Variants in IL1RAPL2 observed in about 807,000 individuals in gnomAD.
IL1RAPL2 encodes X-linked interleukin-1 receptor accessory protein-like 2.
Under a neutral mutation model 44.1 loss-of-function variants are expected in IL1RAPL2, and 3 were observed. The ratio of observed to expected loss-of-function variants is 0.07; its 90% CI spans 0.03 to 0.18. IL1RAPL2 has a LOEUF of 0.18. Among genes scored for constraint, IL1RAPL2 ranks in the 10% least tolerant of loss-of-function variants. IL1RAPL2 has a pLI of 1.00. For synonymous variants in IL1RAPL2, 181 were observed against 178.8 expected, an observed-to-expected ratio of 1.01 and a Z score of -0.10; for missense variants, 391 against 496.4, an observed-to-expected ratio of 0.79 and a Z score of 2.02.
At chrX:105,548,747 TG>T (rs2036827666) in intron 6 of IL1RAPL2, among the ~76,000 whole-genome samples, 1 of 111,458 alleles carries the variant, frequency 9.0e-6, no homozygotes, top group Admixed American at 9.5e-5. Context: ...ATAGGTAAAG[TG>T]GGGATAATAA....
chrX:105,118,340 C>A (rs1351184692), intron 2 of IL1RAPL2, among the ~76,000 whole-genome samples: 2 of 112,419 alleles, frequency 1.8e-5, no homozygotes, highest in Non-Finnish European at 3.8e-5. Flanking sequence ...AGCTTCTGGT[C>A]CTAGGGCTGA....
At chrX:104,567,482 C>G (rs1243611990) in intron 1 of IL1RAPL2, among the ~76,000 whole-genome samples, 1 of 112,615 alleles carries the variant, frequency 8.9e-6, no homozygotes, top group East Asian at 2.8e-4. Context: ...GGTGGAGCAG[C>G]GAGGGGTTCC....
Position 104,800,068 on chromosome X carries a change from A to G in IL1RAPL2, c.82+141073A>G, listed in dbSNP as rs1377202900. On this transcript the variant is annotated intron_variant, in intron 2 of 10. Transcript: ENST00000372582. ...CCACCCCCACCACCATTCACATCAT[A>G]CCTGAAAGACTTTATGTGCTATTTA... Among the ~76,000 whole-genome samples the G allele has an allele frequency of 3.6e-5, 4 of 110,522 alleles. No homozygotes were observed. The Admixed American group carries it at 3.9e-4, about 11-fold the overall frequency.
intron 6 of IL1RAPL2, among the ~76,000 whole-genome samples, chrX:105,577,152 T>C (rs1277227032): frequency 9.0e-6 from 1 of 111,534 alleles, no homozygotes; most frequent in Non-Finnish European, 1.9e-5. Context: ...GAGAAGCGGC[T>C]GAATATTTCA....
chrX:104,990,574 A>G (rs1234158961), intron 2 of IL1RAPL2, among the ~76,000 whole-genome samples: 4 of 111,815 alleles, frequency 3.6e-5, no homozygotes, highest in African/African-American at 1.3e-4. Flanking sequence ...ATCATGAGAT[A>G]ATGGACATCT....
chrX:105,406,992 A>G, intron 5 of IL1RAPL2: 1 of 1,092,601 alleles, frequency 9.2e-7, no homozygotes, highest in Non-Finnish European at 1.3e-6. Context: ...ACGTGAAGGG[A>G]GCTGTGTTTG....
intron 3 of IL1RAPL2, among the ~76,000 whole-genome samples, chrX:105,204,426 A>G (rs1020708490): frequency 8.9e-6 from 1 of 111,994 alleles, no homozygotes; most frequent in East Asian, 2.8e-4. Context: ...AACTCTTTAA[A>G]AGGGCAGAGG....
At chrX:104,959,365 C>T (rs897514333) in intron 2 of IL1RAPL2, among the ~76,000 whole-genome samples, 4 of 110,305 alleles carry the variant, frequency 3.6e-5, no homozygotes, top group African/African-American at 1.3e-4. Context: ...GTCTACTGCA[C>T]GTATTCTTGG....
intron 2 of IL1RAPL2, among the ~76,000 whole-genome samples, chrX:104,831,946 G>T (rs1757885039): frequency 9.0e-6 from 1 of 111,690 alleles, no homozygotes; most frequent in Admixed American, 9.6e-5. Context: ...TTAGCCTTGT[G>T]TAAGCATACC....
chrX:104,821,861 A>G (rs1285631055), intron 2 of IL1RAPL2, among the ~76,000 whole-genome samples: 2 of 111,995 alleles, frequency 1.8e-5, no homozygotes, highest in East Asian at 5.6e-4. Flanking sequence ...ACTCCCACCA[A>G]CAGTGTAAAA....
intron 5 of IL1RAPL2, among the ~76,000 whole-genome samples, chrX:105,410,910 C>T (rs994186620): frequency 1.8e-5 from 2 of 111,702 alleles, no homozygotes; most frequent in African/African-American, 3.2e-5. Context: ...GTAAGTATTT[C>T]AGTCCTCTAG....
At chrX:105,640,670 A>G (rs867217234) in intron 6 of IL1RAPL2, among the ~76,000 whole-genome samples, 938 of 83,505 alleles carry the variant, frequency 0.011, 27 homozygotes, top group African/African-American at 0.051. Context: ...ATATATATAT[A>G]TATATATATA....
chrX:105,110,351 G>C (rs1384106616), intron 2 of IL1RAPL2, among the ~76,000 whole-genome samples: 1 of 112,063 alleles, frequency 8.9e-6, no homozygotes, highest in Admixed American at 9.5e-5. Flanking sequence ...TTTAGATCTG[G>C]AAGAATCCAA....
At chrX:105,615,199 G>T (rs1381832685) in intron 6 of IL1RAPL2, among the ~76,000 whole-genome samples, 4 of 111,390 alleles carry the variant, frequency 3.6e-5, no homozygotes, top group Non-Finnish European at 7.5e-5. Context: ...GCGAGGACAC[G>T]GAGGAAAAGG....
intron 2 of IL1RAPL2, among the ~76,000 whole-genome samples, chrX:104,737,830 A>G (rs1271836423): frequency 8.9e-6 from 1 of 111,869 alleles, no homozygotes; most frequent in Non-Finnish European, 1.9e-5. Flanking sequence ...TTGCTCTTCT[A>G]CAGCTATCAT....
rs954020218 is a variant in IL1RAPL2 at position 104,566,417 on chromosome X, T to G, written c.-654T>G. 1 of 112,912 alleles carries G rather than the reference T, an allele frequency of 8.9e-6. No homozygotes were observed. Among genetic ancestry groups the G allele is most frequent in the African/African-American group, 3.2e-5 (1 of 31,068 alleles). The allele number at this position is 112,912 out of a possible 1,213,427, so 9.3% of individuals were successfully genotyped here. The stretch of plus-strand genomic sequence containing the variant: ...TGGCTGTAGGGTTCCCGGGAAAGAC[T>G]GGAGCAGCGAACAGGAGGGAGAGAG... On this transcript the variant is annotated 5_prime_UTR_variant, in exon 1 of 11. Coordinates refer to ENST00000372582, the MANE Select transcript of IL1RAPL2 (RefSeq NM_017416.2).
chrX:104,859,727 C>T (rs1041139007), intron 2 of IL1RAPL2, among the ~76,000 whole-genome samples: 4 of 112,170 alleles, frequency 3.6e-5, no homozygotes, highest in African/African-American at 1.3e-4. Context: ...CTATAATGAA[C>T]ATAATGGACT....
rs546480484 is a variant in IL1RAPL2 at position 105,479,045 on chromosome X, G to T, written c.698-5268G>T. ...GCTTTAGGATTTAAGAGAGGAGAAA[G>T]ATTAGCTTGGACTGTTATTAAGGAA... On this transcript the variant is annotated intron_variant, in intron 5 of 10. Transcript: ENST00000372582. 1.5e-4 allele frequency among the ~76,000 whole-genome samples: 17 copies of T among 111,808 alleles called. 1 individual carries two copies. The South Asian group carries it at 6.0e-3, about 39-fold the overall frequency.
intron 6 of IL1RAPL2, among the ~76,000 whole-genome samples, chrX:105,711,629 T>G (rs1196764276): frequency 9.0e-6 from 1 of 111,466 alleles, no homozygotes; most frequent in African/African-American, 3.3e-5. Flanking sequence ...CCCAAAGTCT[T>G]AACTCATTAC....
Sources: gnomAD v4.1 joint callset for allele counts (sites outside exome capture counted in the v4.1 genomes callset) on GRCh38, gnomAD v4.1.1 for gene constraint, MANE v1.5 for transcripts, NCBI Gene and HGNC (gene_info 2026-07-23, HGNC 2026-07-21) for gene names.